AFAP1: variants seen among roughly 807,000 people sequenced by gnomAD.
AFAP1 encodes the protein actin filament associated protein 1.
AFAP1 carries 75 observed loss-of-function variants against 93.9 expected under a neutral mutation model. That is an observed-to-expected ratio of 0.80 (90% CI 0.66 to 0.97). AFAP1 has a LOEUF of 0.97. AFAP1 is among the 50% of genes least tolerant of loss of function. The probability of loss-of-function intolerance (pLI) is 0.00; values close to 1 mark genes in which losing one functional copy is unlikely to be tolerated. For missense variants in AFAP1, 1,201 were observed against 1,050.8 expected (o/e 1.14, Z -1.98); for synonymous variants, 517 against 430.7 (o/e 1.20, Z -2.48).
chr4:7,838,745 T>A (rs1376806069), intron 5 of AFAP1, 42 bp from the exon 6 acceptor site: 1 of 1,596,394 alleles, frequency 6.3e-7, no homozygotes, highest in South Asian at 1.1e-5. Context: ...ATAAGGGAGT[T>A]CGAACAGAAA....
chr4:7,930,198 G>T (rs896442162), intron 1 of AFAP1, among the ~76,000 whole-genome samples: 9 of 152,238 alleles, frequency 5.9e-5, no homozygotes, highest in Admixed American at 2.0e-4. Flanking sequence ...ACAGCCAAAT[G>T]CAAGAGACGC....
Position 7,768,937 on chromosome 4 carries a change from G to A in AFAP1, c.2325C>T (p.Gly775=). ...CGGCCGCGCTGTTCACCGGCACGGG[G>A]CCCTCGGTGTCACTGGTGTCACAGC... ...ISSCDTSDTE[G]PVPVNSAAVL... is the part of the protein sequence containing the mutation. Residue 775 remains glycine, a synonymous_variant, in exon 17 of 18, where the codon GGC becomes GGT. Coordinates refer to ENST00000420658, the MANE Select transcript of AFAP1 (RefSeq NM_001134647.2). The A allele has an allele frequency of 1.2e-6, 2 of 1,613,876 alleles. No homozygotes were observed. The highest frequency in any genetic ancestry group is 1.7e-6 in the Non-Finnish European group (2 of 1,179,890).
intron 3 of AFAP1, among the ~76,000 whole-genome samples, chr4:7,863,200 G>A (rs1285156443): frequency 6.6e-6 from 1 of 152,212 alleles, no homozygotes; most frequent in African/African-American, 2.4e-5. Flanking sequence ...TGGACTGCCT[G>A]AGCCCAGGAG....
At chr4:7,799,717 A>T (rs1718843091) in intron 10 of AFAP1, among the ~76,000 whole-genome samples, 1 of 152,238 alleles carries the variant, frequency 6.6e-6, no homozygotes, top group South Asian at 2.1e-4. Context: ...CAGGAAAAAA[A>T]GGTCTAAAAC....
At chr4:7,872,341 T>C (rs1355794636) in intron 1 of AFAP1, 5 of 394,020 alleles carry the variant, frequency 1.3e-5, no homozygotes, top group African/African-American at 6.1e-5. Flanking sequence ...TGCCAACAGA[T>C]GGTGTGACAA....
rs1457590774 is a variant in AFAP1 at position 7,791,111 on chromosome 4, T to A, written c.1412+2570A>T. Among the ~76,000 whole-genome samples, 5 of 152,172 alleles carry A rather than the reference T, an allele frequency of 3.3e-5. No homozygotes were observed. The East Asian group carries it at 9.6e-4, about 29-fold the overall frequency. On this transcript the variant is annotated intron_variant, in intron 11 of 17. Coordinates refer to ENST00000420658, the MANE Select transcript of AFAP1 (RefSeq NM_001134647.2). Reference sequence around the variant, plus strand: ...ATAAATAGCACTTGTGTGGAAAAACTAGATGGTGGAGTTCATATTAAACGG... The same window carrying A: ...ATAAATAGCACTTGTGTGGAAAAACAAGATGGTGGAGTTCATATTAAACGG...
rs1358944653 is a variant in AFAP1 at position 7,890,017 on chromosome 4, A to AT, written c.-2-17938_-2-17937insA. On this transcript the variant is annotated intron_variant, in intron 1 of 17. Transcript: ENST00000420658. ...AGCAATTTTTGTTAAAAAAAAAAAA[A>AT]AAAAAAAGAAGCCAATTCTAAAATA... Among the ~76,000 whole-genome samples the AT allele has an allele frequency of 4.7e-5, 7 of 149,806 alleles. 1 individual carries two copies. Among genetic ancestry groups the AT allele is most frequent in the African/African-American group, 1.5e-4 (6 of 40,376 alleles).
At chr4:7,863,940 T>C (rs569838585) in intron 3 of AFAP1, among the ~76,000 whole-genome samples, 2 of 37,484 alleles carry the variant, frequency 5.3e-5, no homozygotes, top group East Asian at 8.2e-4. Context: ...TTACTGTTGC[T>C]TTCACAACCC....
intron 4 of AFAP1, among the ~76,000 whole-genome samples, chr4:7,847,556 G>T (rs1713859463): frequency 6.6e-6 from 1 of 152,238 alleles, no homozygotes; most frequent in African/African-American, 2.4e-5. Context: ...CTCTTGCTCA[G>T]GATATCACTT....
chr4:7,913,388 CAAAAAAAAAAA>C (rs763367846), intron 1 of AFAP1, among the ~76,000 whole-genome samples: 1 of 62,064 alleles, frequency 1.6e-5, no homozygotes, highest in African/African-American at 5.2e-5. Context: ...ACCCTGTCTC[CAAAAAAAAAAA>C]AAAAAAAAAT....
At chr4:7,852,007 T>C (rs994690301) in intron 4 of AFAP1, among the ~76,000 whole-genome samples, 5 of 152,174 alleles carry the variant, frequency 3.3e-5, no homozygotes, top group Non-Finnish European at 7.3e-5. Flanking sequence ...GCTCAGGAAA[T>C]TCACTGATCT....
intron 7 of AFAP1, among the ~76,000 whole-genome samples, chr4:7,818,259 G>A (rs906253563): frequency 2.6e-5 from 4 of 152,164 alleles, no homozygotes; most frequent in African/African-American, 7.2e-5. Context: ...CTGGGTCTCC[G>A]CCTGCGGCCC....
At chr4:7,874,463 A>G (rs1184189906) in intron 1 of AFAP1, among the ~76,000 whole-genome samples, 3 of 131,788 alleles carry the variant, frequency 2.3e-5, no homozygotes, top group Non-Finnish European at 4.6e-5. Flanking sequence ...TCCTGGGCTC[A>G]CGCCATTCTC....
chr4:7,859,638 C>T (rs1037236581), intron 3 of AFAP1, among the ~76,000 whole-genome samples: 6 of 152,086 alleles, frequency 3.9e-5, no homozygotes, highest in Non-Finnish European at 8.8e-5. Context: ...AGCTCCTAAA[C>T]TTTTAGTTTA....
At chr4:7,852,281 CT>C (rs1714526765) in intron 4 of AFAP1, among the ~76,000 whole-genome samples, 1 of 152,200 alleles carries the variant, frequency 6.6e-6, no homozygotes, top group African/African-American at 2.4e-5. Flanking sequence ...AAAATGCTTG[CT>C]TTCCTTCCCT....
chr4:7,779,655 G>A (rs1397880414), intron 13 of AFAP1, among the ~76,000 whole-genome samples: 2 of 152,202 alleles, frequency 1.3e-5, no homozygotes, highest in Non-Finnish European at 2.9e-5. Flanking sequence ...GAGAGATCTA[G>A]CTCCAAATTC....
chr4:7,935,067 A>G (rs942054762), intron 1 of AFAP1, among the ~76,000 whole-genome samples: 3 of 152,348 alleles, frequency 2.0e-5, no homozygotes, highest in African/African-American at 7.2e-5. Flanking sequence ...AAGCTCCCCA[A>G]CAGACACATT....
chr4:7,820,241 C>T (rs1720845706), intron 6 of AFAP1, among the ~76,000 whole-genome samples: 1 of 152,178 alleles, frequency 6.6e-6, no homozygotes, highest in Non-Finnish European at 1.5e-5. Flanking sequence ...CTCCTGGATT[C>T]TTAGCAACTG....
rs150748037 is a variant in AFAP1, at chr4:7,818,764, G to A, written c.822+312C>T. ...ATTTATGAAACGCCTGCTGTATTCCGGAAGTAGACAGGCTTGCCTTCAGAC... is the reference window on the plus strand; with the variant it reads ...ATTTATGAAACGCCTGCTGTATTCCAGAAGTAGACAGGCTTGCCTTCAGAC... On this transcript the variant is annotated intron_variant, in intron 7 of 17. Coordinates refer to ENST00000420658, the MANE Select transcript of AFAP1 (RefSeq NM_001134647.2). Among the ~76,000 whole-genome samples the A allele has an allele frequency of 1.5e-4, 23 of 152,298 alleles. No individual in the cohort carries two copies. In the East Asian group the frequency reaches 4.2e-3, roughly 28 times the overall value.
Sources: allele counts gnomAD v4.1 joint callset (sites outside exome capture counted in the v4.1 genomes callset), GRCh38; gene constraint gnomAD v4.1.1; transcripts MANE v1.5; gene names NCBI Gene and HGNC (gene_info 2026-07-23, HGNC 2026-07-21).